CEP128: variants seen among roughly 807,000 people sequenced by gnomAD.
The protein encoded by CEP128 is centrosomal protein 128, also known as centrosomal protein 128kDa.
CEP128 carries 132 observed loss-of-function variants against 156.7 expected under a neutral mutation model. That is an observed-to-expected ratio of 0.84 (90% CI 0.73 to 0.97). The LOEUF (loss-of-function observed/expected upper bound fraction) is 0.97. Among genes scored for constraint, CEP128 ranks in the 50% least tolerant of loss-of-function variants. The probability of loss-of-function intolerance (pLI) is 0.00; values close to 1 mark genes in which losing one functional copy is unlikely to be tolerated. For missense variants in CEP128, 1,252 were observed against 1,281.9 expected (o/e 0.98, Z 0.36); for synonymous variants, 469 against 448.9 (o/e 1.04, Z -0.57).
At chr14:80,504,862 G>A (rs1475274781) in intron 24 of CEP128, 50 bp downstream of exon 24, 9 of 962,126 alleles carry the variant, frequency 9.4e-6, no homozygotes, top group Non-Finnish European at 1.3e-5. Context: ...CCCATGTGTT[G>A]CATTTTCTTA....
intron 19 of CEP128, among the ~76,000 whole-genome samples, chr14:80,685,730 CA>C (rs1896499893): frequency 6.6e-6 from 1 of 152,184 alleles, no homozygotes; most frequent in East Asian, 1.9e-4. Context: ...CTGCAGTAAC[CA>C]AAATAGCATG....
chr14:80,649,889 G>C (rs1018238033), intron 19 of CEP128, among the ~76,000 whole-genome samples: 2 of 152,042 alleles, frequency 1.3e-5, no homozygotes, highest in Admixed American at 6.6e-5. Context: ...GGATTGTCTC[G>C]GCTATGTGGG....
chr14:80,623,044 G>C (rs928183875), intron 19 of CEP128, among the ~76,000 whole-genome samples: 9 of 152,144 alleles, frequency 5.9e-5, no homozygotes, highest in Non-Finnish European at 8.8e-5. Context: ...AAATAGCAAA[G>C]ACTTGGAACC....
At chr14:80,904,199 G>A (rs750268916) in intron 6 of CEP128, among the ~76,000 whole-genome samples, 33 of 152,098 alleles carry the variant, frequency 2.2e-4, no homozygotes, top group Middle Eastern at 3.2e-3. Flanking sequence ...AAACATGGAT[G>A]AATCTGAAGA....
intron 2 of CEP128, among the ~76,000 whole-genome samples, chr14:80,950,000 T>A (rs1372345383): frequency 6.6e-6 from 1 of 152,192 alleles, no homozygotes; most frequent in East Asian, 1.9e-4. Context: ...GTGACCTTAT[T>A]TGGGAATAGC....
intron 7 of CEP128, among the ~76,000 whole-genome samples, chr14:80,899,234 C>A (rs1883385965): frequency 6.6e-6 from 1 of 152,154 alleles, no homozygotes; most frequent in Admixed American, 6.5e-5. Flanking sequence ...ATGATTTAGA[C>A]AGCTGGAGTT....
chr14:80,782,030 C>T (rs1901149490), intron 15 of CEP128, among the ~76,000 whole-genome samples: 1 of 152,174 alleles, frequency 6.6e-6, no homozygotes, highest in African/African-American at 2.4e-5. Flanking sequence ...TTCTCTATGC[C>T]ATGCCAGTTT....
At chr14:80,588,185 A>G (rs1361317536) in intron 19 of CEP128, among the ~76,000 whole-genome samples, 1 of 152,118 alleles carries the variant, frequency 6.6e-6, no homozygotes, top group Non-Finnish European at 1.5e-5. Flanking sequence ...AGTTTCTGCA[A>G]TTCTTACATT....
chr14:80,847,163 T>C (rs1047539943), intron 9 of CEP128, among the ~76,000 whole-genome samples: 1 of 152,082 alleles, frequency 6.6e-6, no homozygotes, highest in Non-Finnish European at 1.5e-5. Context: ...CAAAAGTGTT[T>C]TAGTGTCATC....
chr14:80,756,158 T>G, intron 18 of CEP128, among the ~76,000 whole-genome samples: 1 of 152,194 alleles, frequency 6.6e-6, no homozygotes, highest in Non-Finnish European at 1.5e-5. Flanking sequence ...GCCAAAACAT[T>G]CTGAGACAGC....
chr14:80,670,192 C>T (rs1349264568), intron 19 of CEP128, among the ~76,000 whole-genome samples: 5 of 152,188 alleles, frequency 3.3e-5, no homozygotes, highest in Non-Finnish European at 1.5e-5. Context: ...CTGGGGATTA[C>T]ATTTCAACAT....
At chr14:80,690,413 T>A in intron 19 of CEP128, among the ~76,000 whole-genome samples, 1 of 144,888 alleles carries the variant, frequency 6.9e-6, no homozygotes, top group Non-Finnish European at 1.5e-5. Flanking sequence ...CGAAACTCCA[T>A]CTCAAAAAAA....
At chr14:80,821,151 G>A (rs749860269) in intron 13 of CEP128, among the ~76,000 whole-genome samples, 1 of 152,148 alleles carries the variant, frequency 6.6e-6, no homozygotes, top group Non-Finnish European at 1.5e-5. Context: ...GTTGAATTTT[G>A]TTACTGTTTA....
chr14:80,678,049 A>AATATATATATATATATATATGTATATAT (rs1555390205), intron 19 of CEP128, among the ~76,000 whole-genome samples: 3 of 98,496 alleles, frequency 3.0e-5, no homozygotes, highest in African/African-American at 9.5e-5. Flanking sequence ...ATAAAAAAAA[A>AATATATATATATATATATATGTATATAT]ATATATATAT....
intron 18 of CEP128, among the ~76,000 whole-genome samples, chr14:80,743,704 C>T (rs906571345): frequency 6.6e-6 from 1 of 152,084 alleles, no homozygotes; most frequent in Non-Finnish European, 1.5e-5. Context: ...AAATGCATAT[C>T]CCCACTGATC....
intron 9 of CEP128, among the ~76,000 whole-genome samples, chr14:80,848,879 G>A (rs1329800759): frequency 3.3e-5 from 5 of 151,674 alleles, no homozygotes; most frequent in Non-Finnish European, 5.9e-5. Flanking sequence ...CCAACATCAT[G>A]CCACTGCACT....
intron 1 of CEP128, among the ~76,000 whole-genome samples, 167 bp downstream of exon 1, chr14:80,941,414 C>T (rs868612436): frequency 6.6e-6 from 1 of 152,140 alleles, no homozygotes; most frequent in African/African-American, 2.4e-5. Context: ...GACAGGCGCG[C>T]CGTCTCCCCT....
At chr14:80,554,078 G>A (rs968823447) in intron 21 of CEP128, among the ~76,000 whole-genome samples, 1 of 152,108 alleles carries the variant, frequency 6.6e-6, no homozygotes, top group African/African-American at 2.4e-5. Flanking sequence ...GGTGGTGGTG[G>A]TGGAATCAAT....
intron 19 of CEP128, among the ~76,000 whole-genome samples, chr14:80,693,838 T>C (rs753984582): frequency 6.6e-6 from 1 of 152,166 alleles, no homozygotes; most frequent in Non-Finnish European, 1.5e-5. Context: ...AGGTTTGCCT[T>C]GTCAAAACAG....
Sources: gnomAD v4.1 joint callset for allele counts (sites outside exome capture counted in the v4.1 genomes callset) on GRCh38, gnomAD v4.1.1 for gene constraint, MANE v1.5 for transcripts, NCBI Gene and HGNC (gene_info 2026-07-23, HGNC 2026-07-21) for gene names.